SLC12A2: variants seen among roughly 807,000 people sequenced by gnomAD.
SLC12A2 encodes solute carrier family 12 member 2, also known as Na-K-2Cl cotransporter 1.
SLC12A2 carries 67 observed loss-of-function variants against 136.3 expected under a neutral mutation model. The observed-to-expected ratio is 0.49, with a 90% CI of 0.40 to 0.60. The LOEUF (loss-of-function observed/expected upper bound fraction) is 0.60. Ranked by LOEUF, SLC12A2 falls within the 20% of genes least tolerant of loss-of-function variation. The pLI, the probability that SLC12A2 is intolerant of heterozygous loss-of-function variation, is 0.00. For missense variants in SLC12A2, 1,322 were observed against 1,534.7 expected (o/e 0.86, Z 2.32); for synonymous variants, 619 against 562.9 (o/e 1.10, Z -1.41).
intron 1 of SLC12A2, chr5:128,110,303 TTGAC>T (rs1355261076): frequency 1.2e-6 from 1 of 842,360 alleles, no homozygotes; most frequent in Non-Finnish European, 2.1e-6. Flanking sequence ...TACCTACGAC[TTGAC>T]TGACTGTTTT....
At chr5:128,175,904 T>C (rs1763526555) in intron 20 of SLC12A2, among the ~76,000 whole-genome samples, 2 of 152,018 alleles carry the variant, frequency 1.3e-5, no homozygotes, top group African/African-American at 2.4e-5. Context: ...ATAAGAACAA[T>C]ATTGAATGCT....
At chr5:128,148,949 T>G in intron 12 of SLC12A2, 72 bp downstream of exon 12, 1 of 1,259,962 alleles carries the variant, frequency 7.9e-7, no homozygotes, top group Non-Finnish European at 1.1e-6. Context: ...ATTATTAAAT[T>G]ATTAACAATG....
At chr5:128,182,315 A>G (rs1763730445) in intron 23 of SLC12A2, among the ~76,000 whole-genome samples, 1 of 152,108 alleles carries the variant, frequency 6.6e-6, no homozygotes, top group African/African-American at 2.4e-5. Context: ...CTAAGCCTTC[A>G]GAAAGGTATT....
intron 7 of SLC12A2, 94 bp from the exon 8 acceptor site, chr5:128,138,483 CGTTACTTTAACTGAAGAAAA>C: frequency 1.1e-6 from 1 of 898,256 alleles, no homozygotes; most frequent in Non-Finnish European, 1.7e-6. Context: ...AAAATTTACT[CGTTACTTTAACTGAAGAAAA>C]GTTAGGGGTC....
intron 12 of SLC12A2, among the ~76,000 whole-genome samples, 198 bp from the exon 13 acceptor site, chr5:128,149,799 G>C (rs1039460152): frequency 6.6e-6 from 1 of 151,910 alleles, no homozygotes; most frequent in Middle Eastern, 3.4e-3. Flanking sequence ...AGTATAAAGG[G>C]GATTCAATGG....
chr5:128,154,086 T>C (rs886150153), intron 15 of SLC12A2, among the ~76,000 whole-genome samples: 3 of 151,506 alleles, frequency 2.0e-5, no homozygotes, highest in African/African-American at 7.3e-5. Context: ...AAAAACCTCT[T>C]GCTTTGGCTC....
intron 1 of SLC12A2, among the ~76,000 whole-genome samples, chr5:128,102,075 C>T (rs1452770277): frequency 6.6e-6 from 1 of 151,916 alleles, no homozygotes; most frequent in Non-Finnish European, 1.5e-5. Context: ...TTTCAGCTCA[C>T]AGTATGGGCA....
At chr5:128,150,790 T>G (rs1762677821) in intron 13 of SLC12A2, among the ~76,000 whole-genome samples, 1 of 151,888 alleles carries the variant, frequency 6.6e-6, no homozygotes, top group African/African-American at 2.4e-5. Context: ...GCAAGTTGAT[T>G]ATGTTTTTAA....
intron 1 of SLC12A2, chr5:128,109,640 ACAGTGGATACAT>A (rs1389867467): frequency 5.0e-6 from 4 of 792,120 alleles, no homozygotes; most frequent in Non-Finnish European, 9.2e-6. Context: ...CTATATTCAG[ACAGTGGATACAT>A]CAGGGAATAG....
At position 128,123,606 on chromosome 5, in the gene SLC12A2, A is replaced by G. The variant is rs533950052; in HGVS notation, c.1049-7461A>G. ...GATGTTGGGTATCTTCTCATGTACT[A>G]TAAGTGTCTACTCATATTTTGAAGG... is the stretch of plus-strand genomic sequence containing the variant. On this transcript the variant is annotated intron_variant, in intron 4 of 26. Coordinates refer to ENST00000262461, the MANE Select transcript of SLC12A2 (RefSeq NM_001046.3). Among the ~76,000 whole-genome samples the G allele has an allele frequency of 2.2e-4, 33 of 152,262 alleles. No homozygotes were observed. In the South Asian group the frequency reaches 3.7e-3, roughly 17 times the overall value.
intron 1 of SLC12A2, among the ~76,000 whole-genome samples, chr5:128,102,209 A>G (rs1282972247): frequency 6.6e-6 from 1 of 152,128 alleles, no homozygotes; most frequent in East Asian, 1.9e-4. Flanking sequence ...TTATTAAAGT[A>G]TTTTTTATTG....
At chr5:128,144,868 T>C (rs991650711) in intron 10 of SLC12A2, among the ~76,000 whole-genome samples, 2 of 152,190 alleles carry the variant, frequency 1.3e-5, no homozygotes, top group African/African-American at 4.8e-5. Context: ...CACAGACTTT[T>C]ACCATTCATT....
chr5:128,178,960 G>T (rs1175003482), intron 22 of SLC12A2, among the ~76,000 whole-genome samples: 1 of 152,020 alleles, frequency 6.6e-6, no homozygotes, highest in African/African-American at 2.4e-5. Context: ...AACCCAATTT[G>T]AAGTGCTAGT....
Position 128,184,578 on chromosome 5 carries a change from A to G in SLC12A2, c.3435+77A>G, listed in dbSNP as rs1763808946. On this transcript the variant is annotated intron_variant, in intron 25 of 26. Transcript: ENST00000262461. ...AAAACCAAGAACTTTAATTTGATAT[A>G]GGAGGGTCAGTTGTATAAATGAACT... 7.4e-6 allele frequency: 10 copies of G among 1,342,428 alleles called. No individual in the cohort carries two copies. In the South Asian group the frequency reaches 1.2e-4, roughly 16 times the overall value. 83.2% of individuals were successfully genotyped at this position (1,342,428 alleles called of 1,614,324 possible).
At chr5:128,112,591 G>T (rs1761192744) in intron 1 of SLC12A2, among the ~76,000 whole-genome samples, 1 of 152,130 alleles carries the variant, frequency 6.6e-6, no homozygotes, top group South Asian at 2.1e-4. Flanking sequence ...TGGATTTACT[G>T]TCATAGTGAG....
chr5:128,101,071 G>A (rs572553820), intron 1 of SLC12A2, among the ~76,000 whole-genome samples: 1 of 152,172 alleles, frequency 6.6e-6, no homozygotes, highest in South Asian at 2.1e-4. Flanking sequence ...TAATACCACT[G>A]GATATTAATA....
intron 18 of SLC12A2, chr5:128,170,098 A>G (rs1430502877): frequency 6.6e-6 from 1 of 152,108 alleles, no homozygotes; most frequent in Non-Finnish European, 1.5e-5. Flanking sequence ...TGCTTTATAT[A>G]TTGTGTTTTT....
At chr5:128,164,109 C>T (rs137927889) in intron 17 of SLC12A2, among the ~76,000 whole-genome samples, 96 of 152,186 alleles carry the variant, frequency 6.3e-4, no homozygotes, top group African/African-American at 1.9e-3. Context: ...CTTCAGCATG[C>T]GTCAGAATCA....
At chr5:128,184,740 A>C (rs1480005934) in intron 25 of SLC12A2, 49 bp from the exon 26 acceptor site, 1 of 1,609,662 alleles carries the variant, frequency 6.2e-7, no homozygotes, top group Non-Finnish European at 8.5e-7. Context: ...AACCATGCTA[A>C]ATTCTTATTT....
Sources: allele counts gnomAD v4.1 joint callset (sites outside exome capture counted in the v4.1 genomes callset), GRCh38; gene constraint gnomAD v4.1.1; transcripts MANE v1.5; gene names NCBI Gene and HGNC (gene_info 2026-07-23, HGNC 2026-07-21).